Variants in MAGI2 observed in about 807,000 individuals in gnomAD.
The protein encoded by MAGI2 is membrane associated guanylate kinase, WW and PDZ domain containing 2, also known as membrane-associated guanylate kinase, WW and PDZ domain-containing protein 2.
In MAGI2, 35 loss-of-function variants were observed where a neutral mutation model predicts 133.3. The observed-to-expected ratio is 0.26, with a 90% CI of 0.20 to 0.35. MAGI2 has a LOEUF of 0.35. MAGI2 is among the 10% of genes least tolerant of loss of function. The pLI, the probability that MAGI2 is intolerant of heterozygous loss-of-function variation, is 1.00. For missense variants in MAGI2, 1,636 were observed against 1,863.4 expected (o/e 0.88, Z 2.25); for synonymous variants, 729 against 710.6 (o/e 1.03, Z -0.41).
chr7:78,033,381 GA>G (rs1377195713), intron 21 of MAGI2, among the ~76,000 whole-genome samples: 1 of 150,872 alleles, frequency 6.6e-6, no homozygotes, highest in Non-Finnish European at 1.5e-5. Flanking sequence ...GTTGAGGTGG[GA>G]GGATCACATG....
At chr7:78,100,607 C>T (rs999906522) in intron 20 of MAGI2, among the ~76,000 whole-genome samples, 11 of 152,162 alleles carry the variant, frequency 7.2e-5, no homozygotes, top group African/African-American at 2.6e-4. Flanking sequence ...GTACCTCCGC[C>T]TCCCAAAGTG....
At chr7:78,580,885 C>T (rs548981004) in intron 3 of MAGI2, among the ~76,000 whole-genome samples, 5 of 152,314 alleles carry the variant, frequency 3.3e-5, no homozygotes, top group Admixed American at 2.6e-4. Context: ...GACAAACAAA[C>T]ATCCCACACC....
At chr7:78,429,992 C>A (rs1799641793) in intron 6 of MAGI2, among the ~76,000 whole-genome samples, 1 of 152,094 alleles carries the variant, frequency 6.6e-6, no homozygotes, top group African/African-American at 2.4e-5. Context: ...TTTTCCTAAC[C>A]ACTGTGCTAC....
chr7:78,709,507 C>T (rs970611986), intron 2 of MAGI2, among the ~76,000 whole-genome samples: 13 of 152,086 alleles, frequency 8.5e-5, no homozygotes, highest in African/African-American at 3.1e-4. Flanking sequence ...TGTGTTTCAC[C>T]GTTAGAGCAT....
At chr7:78,645,735 A>G (rs1810813116) in intron 2 of MAGI2, among the ~76,000 whole-genome samples, 1 of 150,462 alleles carries the variant, frequency 6.6e-6, no homozygotes, top group Admixed American at 6.6e-5. Context: ...CAAATAGCAA[A>G]ACTTTTTTTT....
rs372309089 is a variant in MAGI2, at chr7:79,004,856, G to A, written c.418+2234C>T. Among the ~76,000 whole-genome samples, 75 of 152,320 alleles carry A rather than the reference G, an allele frequency of 4.9e-4. 1 individual carries two copies. The East Asian group carries it at 0.013, about 26-fold the overall frequency. On this transcript the variant is annotated intron_variant, in intron 2 of 21. Transcript: ENST00000354212. ...CCAACACTTCTGGAGGCCAAGGCAG[G>A]TGGATCACCTGAGGTCGGGAGCTTG...
intron 13 of MAGI2, among the ~76,000 whole-genome samples, chr7:78,182,357 T>C (rs1430421285): frequency 6.6e-6 from 1 of 152,216 alleles, no homozygotes; most frequent in African/African-American, 2.4e-5. Flanking sequence ...TAGCTAATAC[T>C]CCATCCTTTA....
At chr7:79,370,657 A>G (rs931214013) in intron 1 of MAGI2, among the ~76,000 whole-genome samples, 1 of 136,606 alleles carries the variant, frequency 7.3e-6, no homozygotes, top group African/African-American at 2.9e-5. Context: ...TTTTTTTTTT[A>G]TGAACTAATA....
chr7:78,615,461 G>C (rs1806976451), intron 3 of MAGI2: 1 of 152,280 alleles, frequency 6.6e-6, no homozygotes, highest in African/African-American at 2.4e-5. Flanking sequence ...TCCTTAGAGA[G>C]CAGGGGCAGA....
At chr7:78,271,177 A>AG (rs1554315669) in intron 9 of MAGI2, among the ~76,000 whole-genome samples, 1 of 152,158 alleles carries the variant, frequency 6.6e-6, no homozygotes, top group Admixed American at 6.5e-5. Flanking sequence ...TTTAGCATGA[A>AG]GGGGTGTTGA....
chr7:79,380,467 C>A (rs958312060), intron 1 of MAGI2, among the ~76,000 whole-genome samples: 3 of 151,808 alleles, frequency 2.0e-5, no homozygotes, highest in African/African-American at 4.8e-5. Flanking sequence ...AGAATGGCCA[C>A]ACTTGCTCTT....
At chr7:79,203,821 T>G (rs1464412049) in intron 1 of MAGI2, among the ~76,000 whole-genome samples, 1 of 152,050 alleles carries the variant, frequency 6.6e-6, no homozygotes, top group Non-Finnish European at 1.5e-5. Context: ...AAATTAACTT[T>G]GTTTCTTAAT....
intron 1 of MAGI2, among the ~76,000 whole-genome samples, chr7:79,145,144 A>G (rs1822496275): frequency 6.6e-6 from 1 of 152,180 alleles, no homozygotes; most frequent in Admixed American, 6.5e-5. Flanking sequence ...AGGGTCTACT[A>G]CTTCCTAGAA....
chr7:79,220,980 C>T lies in MAGI2; in HGVS notation c.302-213774G>A, dbSNP rs548886228. On this transcript the variant is annotated intron_variant, in intron 1 of 21. Transcript: ENST00000354212. Reference sequence around the variant, plus strand: ...GAGCTTAAAATTCACCACCAGTAAACGGGGAGGTCTGAGGAGTGGTGTGTA... The same window carrying T: ...GAGCTTAAAATTCACCACCAGTAAATGGGGAGGTCTGAGGAGTGGTGTGTA... Among the ~76,000 whole-genome samples the T allele has an allele frequency of 3.8e-4, 58 of 151,950 alleles. 1 individual carries two copies. Among genetic ancestry groups the T allele is most frequent in the Admixed American group, 2.3e-3 (35 of 15,280 alleles).
intron 1 of MAGI2, among the ~76,000 whole-genome samples, chr7:79,162,440 G>A (rs774192235): frequency 5.3e-5 from 8 of 151,940 alleles, no homozygotes; most frequent in Non-Finnish European, 1.2e-4. Context: ...AGGGACTATC[G>A]AGGAAGAGGT....
Position 78,290,849 on chromosome 7 carries a change from T to C in MAGI2, c.1409-34268A>G, listed in dbSNP as rs111573438. ...TCCTGAATGACTACTGGGTACATAATGAAATGAAGGCAGAAATAAAGATGT... is the reference window on the plus strand; with the variant it reads ...TCCTGAATGACTACTGGGTACATAACGAAATGAAGGCAGAAATAAAGATGT... On this transcript the variant is annotated intron_variant, in intron 9 of 21. Coordinates refer to ENST00000354212, the MANE Select transcript of MAGI2 (RefSeq NM_012301.4). 3.4e-3 allele frequency among the ~76,000 whole-genome samples: 518 copies of C among 152,068 alleles called. 5 individuals carry two copies. The highest frequency in any genetic ancestry group is 0.012 in the African/African-American group (491 of 41,488).
At chr7:79,433,672 T>C (rs182532584) in intron 1 of MAGI2, among the ~76,000 whole-genome samples, 23 of 152,288 alleles carry the variant, frequency 1.5e-4, no homozygotes, top group Non-Finnish European at 2.4e-4. Flanking sequence ...GTCTAGCTGG[T>C]ATTGCTATTA....
chr7:78,560,095 A>T (rs1800252293), intron 3 of MAGI2, among the ~76,000 whole-genome samples: 1 of 152,242 alleles, frequency 6.6e-6, no homozygotes, highest in Admixed American at 6.5e-5. Context: ...AAGCAGGGAC[A>T]AACAAGGGAA....
chr7:79,018,768 C>A (rs4727794), intron 1 of MAGI2, among the ~76,000 whole-genome samples: 89,113 of 152,006 alleles, frequency 0.59, 26,462 homozygotes, highest in East Asian at 0.63. Flanking sequence ...ACAAAACAGA[C>A]TTTAATAAAC....
Sources: gnomAD v4.1 joint callset for allele counts (sites outside exome capture counted in the v4.1 genomes callset) on GRCh38, gnomAD v4.1.1 for gene constraint, MANE v1.5 for transcripts, NCBI Gene and HGNC (gene_info 2026-07-23, HGNC 2026-07-21) for gene names.